The following DSE variants were observed in gnomAD, a reference collection of about 807,000 sequenced individuals.
The protein encoded by DSE is dermatan-sulfate epimerase.
In DSE, 36 loss-of-function variants were observed where a neutral mutation model predicts 84.4. The observed-to-expected ratio is 0.43, with a 90% CI of 0.33 to 0.56. DSE has a LOEUF of 0.56. DSE is among the 20% of genes least tolerant of loss of function. The pLI is 0.06. For synonymous variants in DSE, 410 were observed against 430.1 expected (o/e 0.95, Z 0.58); for missense variants, 862 against 1,169.6 (o/e 0.74, Z 3.84).
chr6:116,332,071 C>T (rs764201686), intron 2 of DSE, among the ~76,000 whole-genome samples: 10 of 152,218 alleles, frequency 6.6e-5, no homozygotes, highest in African/African-American at 1.2e-4. Context: ...ATCCCAGCAA[C>T]CTTGTTAAAC....
chr6:116,391,313 A>T (rs1360108608), intron 1 of DSE, among the ~76,000 whole-genome samples: 1 of 152,152 alleles, frequency 6.6e-6, no homozygotes, highest in Non-Finnish European at 1.5e-5. Flanking sequence ...CACCGTTATT[A>T]TACATGGTGT....
At chr6:116,298,370 A>G (rs1350015358) in intron 2 of DSE, among the ~76,000 whole-genome samples, 1 of 152,216 alleles carries the variant, frequency 6.6e-6, no homozygotes, top group Non-Finnish European at 1.5e-5. Flanking sequence ...AAGTGAGCCC[A>G]ATGTAATCAC....
At chr6:116,421,463 A>ATATATATATATTTTTTT (rs1357496121) in intron 2 of DSE, among the ~76,000 whole-genome samples, 1 of 61,344 alleles carries the variant, frequency 1.6e-5, no homozygotes, top group African/African-American at 9.3e-5. Flanking sequence ...ATATATATAT[A>ATATATATATATTTTTTT]TTTTTTTTTT....
chr6:116,398,626 CTCTT>C lies in DSE; in HGVS notation c.-53-569_-53-566del, dbSNP rs112859673. Among the ~76,000 whole-genome samples the C allele has an allele frequency of 5.1e-3, 776 of 152,342 alleles. 12 individuals carry two copies. Among genetic ancestry groups the C allele is most frequent in the African/African-American group, 0.017 (727 of 41,568 alleles). On this transcript the variant is annotated intron_variant, in intron 1 of 5. Coordinates refer to ENST00000644252, the MANE Select transcript of DSE (RefSeq NM_013352.4). Reference sequence around the variant, plus strand: ...GATGTTTACATGGCCTTTGTCTTCTCTCTTTCCACCTTCTGCTCACATAAAGAGG... The same window carrying C: ...GATGTTTACATGGCCTTTGTCTTCTCTCCACCTTCTGCTCACATAAAGAGG...
intron 2 of DSE, among the ~76,000 whole-genome samples, chr6:116,351,678 T>G (rs1438496204): frequency 6.6e-6 from 1 of 152,182 alleles, no homozygotes; most frequent in African/African-American, 2.4e-5. Flanking sequence ...CTTGGATAGT[T>G]TTTCATGAAT....
chr6:116,380,717 C>A (rs942579821), intron 1 of DSE, among the ~76,000 whole-genome samples: 10 of 152,038 alleles, frequency 6.6e-5, no homozygotes, highest in Admixed American at 1.3e-4. Flanking sequence ...AGTCTCAGAC[C>A]CTGCCTCCCA....
chr6:116,345,995 A>G (rs1777938462), intron 2 of DSE, among the ~76,000 whole-genome samples: 1 of 152,240 alleles, frequency 6.6e-6, no homozygotes, highest in Admixed American at 6.5e-5. Context: ...AAACACCTCT[A>G]CGCAAATAAA....
At position 116,277,953 on chromosome 6, in the gene DSE, G is replaced by C. The variant is rs1040086907; in HGVS notation, c.-54+18986G>C. On this transcript the variant is annotated intron_variant, in intron 2 of 3. Transcript: ENST00000430252. ...AAAAAAAGGAAAACAGGGAGAGAGA[G>C]GGACCTTGGCAGGAGCCAATGTAGG... The C allele has an allele frequency of 4.6e-5, 7 of 151,534 alleles. No homozygotes were observed. In the East Asian group the frequency reaches 1.2e-3, roughly 25 times the overall value. 9.4% of individuals were successfully genotyped at this position (151,534 alleles called of 1,614,324 possible).
chr6:116,257,265 A>C (rs1302209136), intron 1 of DSE: 1 of 152,206 alleles, frequency 6.6e-6, no homozygotes, highest in Non-Finnish European at 1.5e-5. Context: ...CCTCAGAAGA[A>C]ATTGAGGCAA....
In DSE at chr6:116,438,632, A is replaced by G. The variant is rs939919981; in HGVS notation, c.*1287A>G. The G allele has an allele frequency of 6.6e-6, 1 of 152,200 alleles. No homozygotes were observed. Among genetic ancestry groups the G allele is most frequent in the Non-Finnish European group, 1.5e-5 (1 of 68,002 alleles). 9.4% of individuals were successfully genotyped at this position (152,200 alleles called of 1,614,324 possible). On this transcript the variant is annotated 3_prime_UTR_variant, in exon 6 of 6. Coordinates refer to ENST00000644252, the MANE Select transcript of DSE (RefSeq NM_013352.4). ...ATACTTAAAAGGAACTTAATAAATT[A>G]TCATACATTCAGCATATTTGAGTCA...
intron 2 of DSE, among the ~76,000 whole-genome samples, chr6:116,284,982 A>G (rs539828592): frequency 1.7e-3 from 265 of 152,120 alleles, no homozygotes; most frequent in African/African-American, 6.1e-3. Flanking sequence ...ATAAACATAC[A>G]TGTGCATGTG....
Position 116,437,197 on chromosome 6 carries a change from C to G in DSE, c.2729C>G (p.Ala910Gly), listed in dbSNP as rs377694163. The part of the protein sequence containing the change: ...YTRLFLILNI[A>G]IFFVMLAMQL... The stretch of plus-strand genomic sequence containing the variant: ...AGGTTGTTCCTGATTCTGAACATTG[C>G]TATTTTCTTTGTCATGTTGGCAATG... Residue 910 changes from alanine (A) to glycine (G), a missense_variant, in exon 6 of 6, where the codon GCT (alanine) becomes GGT (glycine). Physicochemically the swap from Ala to Gly is moderately conservative, Grantham distance 60. Around this residue, in one of 4 missense-constraint regions of DSE, gnomAD observed 315 missense variants for 348.1 expected, o/e 0.90. Coordinates refer to ENST00000644252, the MANE Select transcript of DSE (RefSeq NM_013352.4). The G allele has an allele frequency of 2.3e-5, 37 of 1,613,980 alleles. No individual in the cohort carries two copies. Among genetic ancestry groups the G allele is most frequent in the Non-Finnish European group, 3.0e-5 (35 of 1,180,024 alleles).
intron 2 of DSE, among the ~76,000 whole-genome samples, chr6:116,310,792 C>G (rs1164319808): frequency 6.6e-6 from 1 of 152,208 alleles, no homozygotes; most frequent in African/African-American, 2.4e-5. Flanking sequence ...TCTCTGCATA[C>G]AGACAGAGCA....
chr6:116,267,960 C>T (rs143920240), intron 2 of DSE, among the ~76,000 whole-genome samples: 63 of 152,272 alleles, frequency 4.1e-4, no homozygotes, highest in Admixed American at 1.8e-3. Context: ...CCCCATGATT[C>T]AGTCACCTCC....
At chr6:116,303,235 C>G (rs1190851543) in intron 2 of DSE, among the ~76,000 whole-genome samples, 1 of 152,064 alleles carries the variant, frequency 6.6e-6, no homozygotes, top group East Asian at 1.9e-4. Flanking sequence ...ACCTCCTTCT[C>G]GTCTTTCTCT....
chr6:116,353,675 C>G (rs10485181), intron 2 of DSE, among the ~76,000 whole-genome samples: 13,864 of 152,136 alleles, frequency 0.091, 859 homozygotes, highest in East Asian at 0.26. Flanking sequence ...GGTTATGGAA[C>G]AAATACATTG....
chr6:116,362,291 C>T (rs144373834), intron 2 of DSE, among the ~76,000 whole-genome samples: 1,838 of 152,272 alleles, frequency 0.012, 121 homozygotes, highest in Admixed American at 0.11. Context: ...GATTCCTGGC[C>T]CTCACCCCTA....
chr6:116,394,419 T>A (rs532557014), intron 1 of DSE, among the ~76,000 whole-genome samples: 1 of 151,602 alleles, frequency 6.6e-6, no homozygotes, highest in Admixed American at 6.6e-5. Context: ...GCTATCTGAA[T>A]TATAGCAGTA....
intron 2 of DSE, among the ~76,000 whole-genome samples, chr6:116,329,843 G>C (rs1461724995): frequency 6.6e-6 from 1 of 152,098 alleles, no homozygotes; most frequent in Non-Finnish European, 1.5e-5. Context: ...TCTTTTCTTT[G>C]AGATGGAGTC....
Sources: gnomAD v4.1 joint callset for allele counts (sites outside exome capture counted in the v4.1 genomes callset) on GRCh38, gnomAD v4.1.1 for gene constraint, gnomAD v4.1.1 regional missense constraint, MANE v1.5 for transcripts, NCBI Gene and HGNC (gene_info 2026-07-23, HGNC 2026-07-21) for gene names.